The following OSBPL8 variants were observed in gnomAD, a reference collection of about 807,000 sequenced individuals.
OSBPL8 encodes the protein oxysterol-binding protein-related protein 8.
A neutral mutation model predicts 125.5 loss-of-function variants in OSBPL8; 59 were observed. The observed-to-expected ratio is 0.47, with a 90% confidence interval of 0.38 to 0.58. The LOEUF (loss-of-function observed/expected upper bound fraction) is 0.58. Ranked by LOEUF, OSBPL8 falls within the 20% of genes least tolerant of loss-of-function variation. The pLI is 0.00. For synonymous variants in OSBPL8, 330 were observed against 338.9 expected (o/e 0.97, Z 0.29); for missense variants, 758 against 1,047.8 (o/e 0.72, Z 3.82).
intron 5 of OSBPL8, among the ~76,000 whole-genome samples, chr12:76,408,164 A>T (rs1289832676): frequency 1.3e-5 from 2 of 150,714 alleles, no homozygotes; most frequent in African/African-American, 4.9e-5. Flanking sequence ...AAAAAAAAAA[A>T]AAGGTAGCTA....
At chr12:76,505,653 T>C (rs988525011) in intron 1 of OSBPL8, among the ~76,000 whole-genome samples, 2 of 151,810 alleles carry the variant, frequency 1.3e-5, no homozygotes, top group African/African-American at 4.8e-5. Flanking sequence ...CTCAGTAACA[T>C]GAGGGGGTGA....
At chr12:76,482,360 T>G (rs1246361191) in intron 2 of OSBPL8, among the ~76,000 whole-genome samples, 2 of 152,214 alleles carry the variant, frequency 1.3e-5, no homozygotes, top group Admixed American at 6.5e-5. Context: ...ACGCCTGTAA[T>G]CTCAACACTT....
At chr12:76,519,156 G>A (rs1881832338) in intron 1 of OSBPL8, among the ~76,000 whole-genome samples, 1 of 152,200 alleles carries the variant, frequency 6.6e-6, no homozygotes, top group Admixed American at 6.5e-5. Flanking sequence ...CAGGCTGCCA[G>A]AAGCAGCCAA....
chr12:76,397,497 A>G (rs547955149), intron 8 of OSBPL8, among the ~76,000 whole-genome samples, 197 bp downstream of exon 8: 1 of 152,336 alleles, frequency 6.6e-6, no homozygotes, highest in East Asian at 1.9e-4. Context: ...TGCAATATAA[A>G]AAGTTAGACC....
At chr12:76,400,016 A>T in intron 6 of OSBPL8, 42 bp from the exon 7 acceptor site, 2 of 1,453,696 alleles carry the variant, frequency 1.4e-6, no homozygotes, top group Non-Finnish European at 1.9e-6. Context: ...ACTCAACAGA[A>T]ATGAGCAATT....
chr12:76,544,584 C>T (rs940091385), intron 1 of OSBPL8, among the ~76,000 whole-genome samples: 1 of 152,094 alleles, frequency 6.6e-6, no homozygotes, highest in Non-Finnish European at 1.5e-5. Context: ...CATAGACATG[C>T]CTGATACCTG....
chr12:76,503,765 G>C (rs551497462), intron 1 of OSBPL8, among the ~76,000 whole-genome samples: 3 of 151,666 alleles, frequency 2.0e-5, no homozygotes, highest in African/African-American at 7.3e-5. Flanking sequence ...GGATGGTTTC[G>C]ATCTCCTGAC....
intron 1 of OSBPL8, among the ~76,000 whole-genome samples, chr12:76,507,468 A>G (rs1880525702): frequency 6.6e-6 from 1 of 151,674 alleles, no homozygotes; most frequent in South Asian, 2.1e-4. Flanking sequence ...ATCTCCCAGG[A>G]TGTCCCAGGA....
chr12:76,488,673 T>C (rs559027307), intron 1 of OSBPL8, among the ~76,000 whole-genome samples: 1 of 152,340 alleles, frequency 6.6e-6, no homozygotes, highest in East Asian at 1.9e-4. Context: ...GTAACTGAAC[T>C]GATAAATGTA....
At chr12:76,377,694 C>A (rs1457119025) in intron 16 of OSBPL8, among the ~76,000 whole-genome samples, 1 of 151,834 alleles carries the variant, frequency 6.6e-6, no homozygotes, top group Admixed American at 6.6e-5. Context: ...TTTAAGAAAC[C>A]GGTTGGAAGG....
At chr12:76,459,591 T>C (rs1874462113) in intron 3 of OSBPL8, among the ~76,000 whole-genome samples, 1 of 152,180 alleles carries the variant, frequency 6.6e-6, no homozygotes, top group African/African-American at 2.4e-5. Context: ...GGTCCCAAAT[T>C]ATGAGTTAGA....
At chr12:76,548,875 G>A (rs982642770) in intron 1 of OSBPL8, among the ~76,000 whole-genome samples, 2 of 152,058 alleles carry the variant, frequency 1.3e-5, no homozygotes, top group South Asian at 2.1e-4. Flanking sequence ...AAGGAAAACT[G>A]AGCATGAAAA....
chr12:76,520,940 G>A (rs1463923255), intron 1 of OSBPL8, among the ~76,000 whole-genome samples: 1 of 152,216 alleles, frequency 6.6e-6, no homozygotes, highest in Non-Finnish European at 1.5e-5. Flanking sequence ...TACTGTGGAA[G>A]AGAAGCAATT....
intron 1 of OSBPL8, among the ~76,000 whole-genome samples, chr12:76,555,621 T>A (rs1951070892): frequency 6.6e-6 from 1 of 152,228 alleles, no homozygotes. Context: ...CACTTTCACA[T>A]GCATTATATA....
At chr12:76,528,882 T>TATAGC (rs147536628) in intron 1 of OSBPL8, among the ~76,000 whole-genome samples, 10,491 of 151,964 alleles carry the variant, frequency 0.069, 486 homozygotes, top group Middle Eastern at 0.15. Flanking sequence ...ATAAGTAAAG[T>TATAGC]ATAGCAACTT....
chr12:76,478,343 A>C (rs952307132), intron 2 of OSBPL8, among the ~76,000 whole-genome samples: 2 of 151,276 alleles, frequency 1.3e-5, no homozygotes, highest in African/African-American at 4.8e-5. Context: ...TATTATTACA[A>C]AAAAAAAATA....
chr12:76,468,270 T>C (rs935432488), intron 2 of OSBPL8, among the ~76,000 whole-genome samples: 4 of 152,000 alleles, frequency 2.6e-5, no homozygotes, highest in African/African-American at 9.7e-5. Context: ...CCCCAAACAC[T>C]GATAGTTAAA....
At chr12:76,424,122 T>TC (rs1485601499) in intron 4 of OSBPL8, among the ~76,000 whole-genome samples, 1 of 152,102 alleles carries the variant, frequency 6.6e-6, no homozygotes, top group East Asian at 1.9e-4. Flanking sequence ...TGCCTCAGCC[T>TC]CCCAAGTAGC....
chr12:76,464,490 G>A lies in OSBPL8; in HGVS notation c.43-4595C>T, dbSNP rs576930703. Reference sequence around the variant, plus strand: ...ATTACCCAAATATTTACTAATTTTAGTCTATAAATCTCAGAAATAGTGCAC... The same window carrying A: ...ATTACCCAAATATTTACTAATTTTAATCTATAAATCTCAGAAATAGTGCAC... On this transcript the variant is annotated intron_variant, in intron 2 of 23. Transcript: ENST00000261183. Among the ~76,000 whole-genome samples the A allele has an allele frequency of 1.3e-3, 197 of 152,218 alleles. 2 individuals carry two copies. The highest frequency in any genetic ancestry group is 4.5e-3 in the African/African-American group (188 of 41,516).
Sources: allele counts gnomAD v4.1 joint callset (sites outside exome capture counted in the v4.1 genomes callset), GRCh38; gene constraint gnomAD v4.1.1; transcripts MANE v1.5; gene names NCBI Gene and HGNC (gene_info 2026-07-23, HGNC 2026-07-21).